CHRM4: variants seen among roughly 807,000 people sequenced by gnomAD.
CHRM4 encodes muscarinic acetylcholine receptor M4.
In CHRM4, 5 loss-of-function variants were observed where a neutral mutation model predicts 26.3. The observed-to-expected ratio is 0.19, with a 90% confidence interval of 0.10 to 0.40. The LOEUF (loss-of-function observed/expected upper bound fraction) is 0.40, where lower values mean the gene tolerates loss of function less well. CHRM4 is among the 10% of genes least tolerant of loss of function. The pLI is 1.00. For synonymous variants in CHRM4, 290 were observed against 285.3 expected (o/e 1.02, Z -0.16); for missense variants, 402 against 664.5 (o/e 0.60, Z 4.34).
Position 46,387,563 on chromosome 11 carries a change from G to A in CHRM4, c.-29-977C>T, listed in dbSNP as rs80234789. 2.9e-3 allele frequency among the ~76,000 whole-genome samples: 439 copies of A among 152,304 alleles called. 1 individual carries two copies. The highest frequency in any genetic ancestry group is 0.01 in the African/African-American group (431 of 41,554). ...CCTGACCAAGGTTTCACGGCTTCTT[G>A]CACTATGTTGCTGGTGGGATTAAGT... On this transcript the variant is annotated intron_variant, in intron 1 of 1. Transcript: ENST00000682254.
rs928958708 is a variant in CHRM4 at position 46,391,702 on chromosome 11, G to C, written c.-201C>G. The stretch of plus-strand genomic sequence containing the variant: ...CCGCGGGCCGGCGGGGCGGGCGGCC[G>C]GGCCGAGGGCCGGGGGCGGGGACGG... On this transcript the variant is annotated 5_prime_UTR_variant, in exon 1 of 2. Transcript: ENST00000682254. This position sits in a 1 kb window ranked among gnomAD's most constrained non-coding sequence, Gnocchi z 6.3. Among the ~76,000 whole-genome samples the C allele has an allele frequency of 6.7e-6, 1 of 148,796 alleles. No homozygotes were observed. Among genetic ancestry groups the C allele is most frequent in the South Asian group, 2.1e-4 (1 of 4,818 alleles).
At chr11:46,388,824 C>G (rs1171053584) in intron 1 of CHRM4, among the ~76,000 whole-genome samples, 10 of 152,214 alleles carry the variant, frequency 6.6e-5, no homozygotes, top group African/African-American at 2.4e-4. Flanking sequence ...CCCAAGGAAA[C>G]TCACTTCAGC....
In CHRM4 at chr11:46,385,571, C is replaced by G. The variant is rs997356160; in HGVS notation, c.987G>C (p.Gln329His). ...TTPAMPAPPL[Q>H]PRALNPASRW... ...TGGAGGCTGGGTTGAGGGCCCGCGGCTGCAGGGGAGGGGCGGGCATGGCGG... is the reference window on the plus strand; with the variant it reads ...TGGAGGCTGGGTTGAGGGCCCGCGGGTGCAGGGGAGGGGCGGGCATGGCGG... Residue 329 changes from glutamine (Q) to histidine (H), a missense_variant, in exon 2 of 2, where the codon CAG (glutamine) becomes CAC (histidine). Around this residue, in one of 5 missense-constraint regions of CHRM4, gnomAD observed 205 missense variants for 244.0 expected, o/e 0.84. Coordinates refer to ENST00000682254, the MANE Select transcript of CHRM4 (RefSeq NM_000741.5). This position sits in a 1 kb window ranked among gnomAD's most constrained non-coding sequence, Gnocchi z 6.3. The G allele has an allele frequency of 6.4e-7, 1 of 1,561,028 alleles. No individual in the cohort carries two copies. The highest frequency in any genetic ancestry group is 1.8e-5 in the Admixed American group (1 of 56,484).
At chr11:46,390,100 G>A (rs1036404002) in intron 1 of CHRM4, among the ~76,000 whole-genome samples, 1 of 152,108 alleles carries the variant, frequency 6.6e-6, no homozygotes, top group African/African-American at 2.4e-5. Flanking sequence ...GTGGGTGACC[G>A]GTCACATTCC....
intron 1 of CHRM4, among the ~76,000 whole-genome samples, chr11:46,388,661 T>A (rs1378133519): frequency 2.6e-5 from 4 of 152,106 alleles, no homozygotes; most frequent in African/African-American, 9.7e-5. Context: ...TCTCTTGGGG[T>A]CCCTGACAAC....
Position 46,386,287 on chromosome 11 carries a change from C to A in CHRM4, c.271G>T (p.Val91Leu). The change falls in exon 2 of 2, where the codon GTG becomes TTG. Residue 91 changes from valine (V) to leucine (L), a missense_variant. Coordinates refer to ENST00000682254, the MANE Select transcript of CHRM4 (RefSeq NM_000741.5). This position sits in a 1 kb window ranked among gnomAD's most constrained non-coding sequence, Gnocchi z 5.8. ...GGCCAGTAGCCCTTGATGATGTACA[C>A]GGTGTAGAGGTTCATGGAGAAGGCG... ...IGAFSMNLYT[V>L]YIIKGYWPLG... 5 of 1,613,852 alleles carry A rather than the reference C, an allele frequency of 3.1e-6. No individual in the cohort carries two copies. Among genetic ancestry groups the A allele is most frequent in the Non-Finnish European group, 4.2e-6 (5 of 1,179,876 alleles).
At chr11:46,389,383 G>A (rs1033890902) in intron 1 of CHRM4, among the ~76,000 whole-genome samples, 1 of 152,248 alleles carries the variant, frequency 6.6e-6, no homozygotes, top group African/African-American at 2.4e-5. Context: ...GCGTGAGGGA[G>A]CTGCCAGGTG....
rs2136555255 is a variant in CHRM4, at chr11:46,391,264, T to C, written c.-30+267A>G. Among the ~76,000 whole-genome samples, 1 of 151,796 alleles carries C rather than the reference T, an allele frequency of 6.6e-6. No individual in the cohort carries two copies. Among genetic ancestry groups the C allele is most frequent in the Non-Finnish European group, 1.5e-5 (1 of 67,878 alleles). The stretch of plus-strand genomic sequence containing the variant: ...TTTGGGGCTTCAGCGCCCGGCGCCC[T>C]GCTGAGCCGCCAGTGGGAGGGCTGG... On this transcript the variant is annotated intron_variant, in intron 1 of 1. Coordinates refer to ENST00000682254, the MANE Select transcript of CHRM4 (RefSeq NM_000741.5). This position sits in a 1 kb window ranked among gnomAD's most constrained non-coding sequence, Gnocchi z 6.3.
intron 1 of CHRM4, among the ~76,000 whole-genome samples, chr11:46,390,191 G>T (rs1190207930): frequency 6.6e-6 from 1 of 152,192 alleles, no homozygotes; most frequent in Non-Finnish European, 1.5e-5. Flanking sequence ...CCTGCATCGG[G>T]ATTGCACCTG....
intron 1 of CHRM4, among the ~76,000 whole-genome samples, chr11:46,387,713 C>T (rs1945355170): frequency 6.6e-6 from 1 of 152,172 alleles, no homozygotes; most frequent in Non-Finnish European, 1.5e-5. Flanking sequence ...AGCTGGGCAC[C>T]CCAGAGAGGA....
Position 46,386,237 on chromosome 11 carries a change from C to T in CHRM4, c.321G>A (p.Leu107=). 6.2e-7 allele frequency: 1 copy of T among 1,613,912 alleles called. No homozygotes were observed. Among genetic ancestry groups the T allele is most frequent in the Non-Finnish European group, 8.5e-7 (1 of 1,179,892 alleles). Residue 107 remains leucine, a synonymous_variant, in exon 2 of 2, where the codon CTG becomes CTA. Transcript: ENST00000682254. This position sits in a 1 kb window ranked among gnomAD's most constrained non-coding sequence, Gnocchi z 5.8. ...TCACCACGTAGTCCAGGGCCAGCCACAGGTCGCAGACCACGGCGCCCAGGG... is the reference window on the plus strand; with the variant it reads ...TCACCACGTAGTCCAGGGCCAGCCATAGGTCGCAGACCACGGCGCCCAGGG... ...YWPLGAVVCD[L]WLALDYVVSN...
chr11:46,386,402 C>A lies in CHRM4; in HGVS notation c.156G>T (p.Leu52=), dbSNP rs201366533. The A allele has an allele frequency of 1.1e-5, 17 of 1,613,836 alleles. No homozygotes were observed. The highest frequency in any genetic ancestry group is 1.4e-5 in the Non-Finnish European group (17 of 1,179,904). ...LSLVTVVGNI[L]VMLSIKVNRQ... is the part of the protein sequence containing the mutation. ...TGTTGACCTTGATGGACAGCATCAC[C>A]AGGATGTTGCCCACGACAGTCACCA... Residue 52 remains leucine (L), a synonymous_variant, in exon 2 of 2, where the codon CTG becomes CTT. Coordinates refer to ENST00000682254, the MANE Select transcript of CHRM4 (RefSeq NM_000741.5). This position sits in a 1 kb window ranked among gnomAD's most constrained non-coding sequence, Gnocchi z 5.8.
At position 46,386,417 on chromosome 11, in the gene CHRM4, G is replaced by A. The variant is rs367682894; in HGVS notation, c.141C>T (p.Val47=). Residue 47 remains valine, a synonymous_variant, in exon 2 of 2, where the codon GTC becomes GTT. Transcript: ENST00000682254. The surrounding 1 kb of genome is among the most constrained non-coding windows in gnomAD (Gnocchi z 5.8). ...ACAGCATCACCAGGATGTTGCCCAC[G>A]ACAGTCACCAGGCTCAGGGAGCCTG... The part of the protein sequence containing the change: ...TVTGSLSLVT[V]VGNILVMLSI... 3.3e-5 allele frequency: 54 copies of A among 1,613,838 alleles called. No individual in the cohort carries two copies. The highest frequency in any genetic ancestry group is 1.6e-4 in the Middle Eastern group (1 of 6,084).
At position 46,385,832 on chromosome 11, in the gene CHRM4, C is replaced by G. The variant is rs777694458; in HGVS notation, c.726G>C (p.Leu242=). Residue 242 remains leucine (L), a synonymous_variant, in exon 2 of 2, where the codon CTG becomes CTC. Coordinates refer to ENST00000682254, the MANE Select transcript of CHRM4 (RefSeq NM_000741.5). The surrounding 1 kb of genome is among the most constrained non-coding windows in gnomAD (Gnocchi z 6.3). Reference sequence around the variant, plus strand: ...TCATTAGTGGGCTCTTGAGGAAGGCCAGCGTCTTGGCTTTCTTCTCCTTCG... The same window carrying G: ...TCATTAGTGGGCTCTTGAGGAAGGCGAGCGTCTTGGCTTTCTTCTCCTTCG... The part of the protein sequence containing the change: ...EGPKEKKAKT[L]AFLKSPLMKQ... 1.2e-6 allele frequency: 2 copies of G among 1,602,372 alleles called. No homozygotes were observed. The highest frequency in any genetic ancestry group is 1.7e-6 in the Non-Finnish European group (2 of 1,174,620).
At chr11:46,389,594 C>G (rs1159131551) in intron 1 of CHRM4, among the ~76,000 whole-genome samples, 1 of 152,242 alleles carries the variant, frequency 6.6e-6, no homozygotes, top group Non-Finnish European at 1.5e-5. Context: ...CCCTGGTGCC[C>G]GCTCCGGACC....
intron 1 of CHRM4, among the ~76,000 whole-genome samples, chr11:46,390,709 C>T (rs1945383436): frequency 6.6e-6 from 1 of 152,274 alleles, no homozygotes; most frequent in South Asian, 2.1e-4. Context: ...TCGAAGGAGC[C>T]CTGGCTCTCG....
rs549481685 is a variant in CHRM4 at position 46,391,549 on chromosome 11, C to T, written c.-48G>A. The stretch of plus-strand genomic sequence containing the variant: ...AACCCACCTCTGGGGAGCCTCAGAG[C>T]GTCCCGGGGACCTGCTTCCTGCTCT... On this transcript the variant is annotated 5_prime_UTR_variant, in exon 1 of 2. Coordinates refer to ENST00000682254, the MANE Select transcript of CHRM4 (RefSeq NM_000741.5). The surrounding 1 kb of genome is among the most constrained non-coding windows in gnomAD (Gnocchi z 6.3). Among the ~76,000 whole-genome samples the T allele has an allele frequency of 1.5e-3, 234 of 152,050 alleles. 3 individuals are homozygous for T. Among genetic ancestry groups the T allele is most frequent in the Non-Finnish European group, 2.4e-3 (161 of 67,930 alleles).
chr11:46,388,809 C>T (rs1016729312), intron 1 of CHRM4, among the ~76,000 whole-genome samples: 1 of 152,186 alleles, frequency 6.6e-6, no homozygotes, highest in East Asian at 1.9e-4. Context: ...AATCAGTCAG[C>T]CAGCCCCAAG....
At position 46,384,052 on chromosome 11, in the gene CHRM4, C is replaced by A. The variant is rs1007170983; in HGVS notation, c.*1066G>T. Among the ~76,000 whole-genome samples, 2 of 152,214 alleles carry A rather than the reference C, an allele frequency of 1.3e-5. No individual in the cohort carries two copies. Among genetic ancestry groups the A allele is most frequent in the African/African-American group, 4.8e-5 (2 of 41,442 alleles). On this transcript the variant is annotated 3_prime_UTR_variant, in exon 2 of 2. Coordinates refer to ENST00000682254, the MANE Select transcript of CHRM4 (RefSeq NM_000741.5). ...TTTCGGTCCTCATCTCCCTCAGGGA[C>A]CAGGGCTGGGGAAGGGAACCTGGCT...
Sources: gnomAD v4.1 joint callset for allele counts (sites outside exome capture counted in the v4.1 genomes callset) on GRCh38, gnomAD v4.1.1 for gene constraint, gnomAD v4.1.1 regional missense constraint, Gnocchi (gnomAD v3.1) non-coding constraint, MANE v1.5 for transcripts, NCBI Gene and HGNC (gene_info 2026-07-23, HGNC 2026-07-21) for gene names.